CTNND2: variants seen among roughly 807,000 people sequenced by gnomAD.
CTNND2 encodes the protein catenin delta 2, also known as catenin delta-2.
CTNND2 carries 22 observed loss-of-function variants against 144.4 expected under a neutral mutation model. The observed-to-expected ratio is 0.15, with a 90% CI of 0.11 to 0.22. CTNND2 has a LOEUF of 0.22. CTNND2 is among the 10% of genes least tolerant of loss of function. The pLI, the probability that CTNND2 is intolerant of heterozygous loss-of-function variation, is 1.00. For missense variants in CTNND2, 1,353 were observed against 1,618.8 expected (o/e 0.84, Z 2.82); for synonymous variants, 751 against 695.6 (o/e 1.08, Z -1.25).
chr5:11,083,891 C>T, intron 15 of CTNND2: 1 of 1,135,350 alleles, frequency 8.8e-7, no homozygotes, highest in Admixed American at 3.7e-5. Context: ...CTGTGGCAGG[C>T]AGGGAGCCCC....
chr5:10,994,922 G>A (rs1302383800), intron 18 of CTNND2, among the ~76,000 whole-genome samples: 1 of 152,130 alleles, frequency 6.6e-6, no homozygotes, highest in Non-Finnish European at 1.5e-5. Flanking sequence ...TATTGGTGTG[G>A]GAAAGAGGAA....
intron 1 of CTNND2, among the ~76,000 whole-genome samples, chr5:11,770,480 AGGGG>A (rs1789869402): frequency 6.7e-6 from 1 of 148,862 alleles, no homozygotes; most frequent in Non-Finnish European, 1.5e-5. Flanking sequence ...GGGTAGGGGA[AGGGG>A]AAGGAAGACT....
chr5:11,725,770 G>A (rs1786983152), intron 2 of CTNND2, among the ~76,000 whole-genome samples: 1 of 152,154 alleles, frequency 6.6e-6, no homozygotes, highest in Non-Finnish European at 1.5e-5. Flanking sequence ...ACAAAAATAT[G>A]TAAATTAAAG....
chr5:10,996,639 A>T (rs558631504), intron 18 of CTNND2, among the ~76,000 whole-genome samples: 1 of 152,200 alleles, frequency 6.6e-6, no homozygotes, highest in Non-Finnish European at 1.5e-5. Context: ...TCGCTCTGTC[A>T]CCAGGCTGGA....
At chr5:11,001,613 GAAAT>G (rs1380555855) in intron 18 of CTNND2, among the ~76,000 whole-genome samples, 1 of 152,162 alleles carries the variant, frequency 6.6e-6, no homozygotes, top group Non-Finnish European at 1.5e-5. Flanking sequence ...TATTCTATAA[GAAAT>G]AAATACATTC....
intron 16 of CTNND2, among the ~76,000 whole-genome samples, chr5:11,060,129 C>A (rs1425113738): frequency 6.6e-6 from 1 of 152,104 alleles, no homozygotes; most frequent in Non-Finnish European, 1.5e-5. Flanking sequence ...ATGCACACAG[C>A]TGAAAAATGG....
chr5:11,828,736 T>C (rs932057005), intron 1 of CTNND2, among the ~76,000 whole-genome samples: 2 of 151,974 alleles, frequency 1.3e-5, no homozygotes, highest in Non-Finnish European at 1.5e-5. Flanking sequence ...AGTGTGAAAA[T>C]GGACTAACAC....
intron 3 of CTNND2, among the ~76,000 whole-genome samples, chr5:11,493,946 GAATT>G (rs143016605): frequency 0.1 from 15,734 of 152,006 alleles, 895 homozygotes; most frequent in Non-Finnish European, 0.13. Flanking sequence ...TTAGAATTAT[GAATT>G]AATACTTAAA....
intron 1 of CTNND2, among the ~76,000 whole-genome samples, chr5:11,769,968 A>C (rs1789822559): frequency 6.6e-6 from 1 of 152,202 alleles, no homozygotes; most frequent in African/African-American, 2.4e-5. Flanking sequence ...AGTTTGAATA[A>C]CTTTCTGTAT....
chr5:11,161,059 G>A, intron 11 of CTNND2, among the ~76,000 whole-genome samples: 1 of 152,328 alleles, frequency 6.6e-6, no homozygotes, highest in Middle Eastern at 3.4e-3. Flanking sequence ...TGTTTTTAGT[G>A]CCCAGCATGC....
intron 1 of CTNND2, among the ~76,000 whole-genome samples, chr5:11,747,570 C>A (rs975621417): frequency 6.6e-6 from 1 of 152,136 alleles, no homozygotes; most frequent in Non-Finnish European, 1.5e-5. Context: ...CTGTGCAAGA[C>A]ACTGAATAAA....
intron 16 of CTNND2, among the ~76,000 whole-genome samples, chr5:11,050,394 C>G (rs182865753): frequency 1.3e-5 from 2 of 152,250 alleles, no homozygotes; most frequent in East Asian, 3.9e-4. Flanking sequence ...GTATCTACTG[C>G]TACAAATGGC....
intron 10 of CTNND2, among the ~76,000 whole-genome samples, chr5:11,204,443 C>T (rs1490624825): frequency 6.6e-6 from 1 of 152,116 alleles, no homozygotes; most frequent in Non-Finnish European, 1.5e-5. Flanking sequence ...GGGTATCTTC[C>T]TTGTTTTTTC....
At chr5:11,427,579 C>T (rs1447329051) in intron 3 of CTNND2, among the ~76,000 whole-genome samples, 1 of 152,102 alleles carries the variant, frequency 6.6e-6, no homozygotes, top group African/African-American at 2.4e-5. Flanking sequence ...TATGCCTGGT[C>T]CCCATCTGCT....
chr5:11,146,256 G>T (rs1458416916), intron 12 of CTNND2, among the ~76,000 whole-genome samples: 1 of 152,190 alleles, frequency 6.6e-6, no homozygotes, highest in Non-Finnish European at 1.5e-5. Context: ...TTTTATCTAA[G>T]CTGTTGATTT....
At chr5:11,269,754 C>A (rs1745805153) in intron 9 of CTNND2, among the ~76,000 whole-genome samples, 1 of 152,152 alleles carries the variant, frequency 6.6e-6, no homozygotes, top group African/African-American at 2.4e-5. Context: ...TGGACCCCTG[C>A]AGAATGATTT....
At chr5:11,440,025 A>G (rs1306785881) in intron 3 of CTNND2, among the ~76,000 whole-genome samples, 1 of 152,054 alleles carries the variant, frequency 6.6e-6, no homozygotes, top group Non-Finnish European at 1.5e-5. Flanking sequence ...ATTTCTGCCA[A>G]TAGTTATGCA....
At chr5:11,246,484 C>G (rs764096567) in intron 9 of CTNND2, among the ~76,000 whole-genome samples, 2 of 151,852 alleles carry the variant, frequency 1.3e-5, no homozygotes, top group African/African-American at 2.4e-5. Context: ...CCAGGGACAC[C>G]GAGGATTCCG....
In CTNND2 at chr5:11,346,509, G is replaced by A; in HGVS notation, c.1491C>T (p.Ser497=). ...QRASYAAGPA[S]NYADPYRQLQ... ...GCTGTCGGTAGGGGTCCGCGTAATT[G>A]GAGGCTGGGCCGGCGGCATAGCTGG... The change falls in exon 9 of 22, where the codon TCC becomes TCT. Residue 497 remains serine, a synonymous_variant. Coordinates refer to ENST00000304623, the MANE Select transcript of CTNND2 (RefSeq NM_001332.4). The A allele has an allele frequency of 6.2e-7, 1 of 1,606,772 alleles. No individual in the cohort carries two copies. Among genetic ancestry groups the A allele is most frequent in the Non-Finnish European group, 8.5e-7 (1 of 1,176,922 alleles).
Sources: gnomAD v4.1 joint callset for allele counts (sites outside exome capture counted in the v4.1 genomes callset) on GRCh38, gnomAD v4.1.1 for gene constraint, MANE v1.5 for transcripts, NCBI Gene and HGNC (gene_info 2026-07-23, HGNC 2026-07-21) for gene names.